C12orf42: variants seen among roughly 807,000 people sequenced by gnomAD.
C12orf42 encodes the protein uncharacterized protein C12orf42.
In C12orf42, 25 loss-of-function variants were observed where a neutral mutation model predicts 21.6. The observed-to-expected ratio is 1.16, with a 90% CI of 0.84 to 1.62. The LOEUF is 1.62. Ranked by LOEUF, C12orf42 falls within the 40% of genes most tolerant of loss-of-function variation. The pLI is 0.00. For synonymous variants in C12orf42, 174 were observed against 175.0 expected (o/e 0.99, Z 0.05); for missense variants, 483 against 459.3 (o/e 1.05, Z -0.47).
intron 2 of C12orf42, among the ~76,000 whole-genome samples, chr12:103,471,582 G>C (rs1222051349): frequency 6.6e-6 from 1 of 152,198 alleles, no homozygotes; most frequent in Non-Finnish European, 1.5e-5. Context: ...ACTGTGGTTT[G>C]GAGTTGTAAG....
the C12orf42 span, among the ~76,000 whole-genome samples, chr12:103,074,467 T>A: frequency 6.6e-6 from 1 of 152,074 alleles, no homozygotes; most frequent in Non-Finnish European, 1.5e-5. Flanking sequence ...CTCCAAATAT[T>A]ATCAAACAGA....
At chr12:103,357,778 T>G (rs919276253) in intron 4 of C12orf42, among the ~76,000 whole-genome samples, 1 of 152,126 alleles carries the variant, frequency 6.6e-6, no homozygotes, top group Non-Finnish European at 1.5e-5. Flanking sequence ...TAAGGCCAAG[T>G]AACAACGTTA....
chr12:103,056,376 A>AT, the C12orf42 span, among the ~76,000 whole-genome samples: 129 of 151,932 alleles, frequency 8.5e-4, 1 homozygote, highest in Non-Finnish European at 1.5e-3. Flanking sequence ...TGTATTCAAG[A>AT]TTTTTTCTTT....
At chr12:103,207,457 C>A in the C12orf42 span, among the ~76,000 whole-genome samples, 39 of 152,314 alleles carry the variant, frequency 2.6e-4, no homozygotes, top group African/African-American at 7.9e-4. Flanking sequence ...CACGTGCGCG[C>A]GCACAGATGT....
the C12orf42 span, among the ~76,000 whole-genome samples, chr12:103,081,936 T>C: frequency 2.0e-5 from 3 of 152,242 alleles, no homozygotes; most frequent in African/African-American, 4.8e-5. Context: ...TTCTCACTCT[T>C]ATTACTAAAC....
the C12orf42 span, among the ~76,000 whole-genome samples, chr12:103,095,238 C>A: frequency 6.6e-6 from 1 of 152,148 alleles, no homozygotes; most frequent in Non-Finnish European, 1.5e-5. Flanking sequence ...TCATTGGAAA[C>A]CTCTAGTAGC....
chr12:103,334,767 C>T (rs746902847), intron 4 of C12orf42, among the ~76,000 whole-genome samples: 13 of 152,194 alleles, frequency 8.5e-5, no homozygotes, highest in Non-Finnish European at 1.5e-4. Flanking sequence ...TTTGCTTCCA[C>T]GGCTTCAGCA....
chr12:103,529,650 G>A, the C12orf42 span, among the ~76,000 whole-genome samples: 4 of 152,198 alleles, frequency 2.6e-5, no homozygotes, highest in African/African-American at 7.2e-5. Flanking sequence ...TCTCTCTGGA[G>A]TGTGTTACAG....
At chr12:103,186,238 T>A in the C12orf42 span, among the ~76,000 whole-genome samples, 5 of 152,202 alleles carry the variant, frequency 3.3e-5, no homozygotes, top group Admixed American at 2.0e-4. Context: ...GGACTATCTA[T>A]CAACTTGGGA....
intron 2 of C12orf42, among the ~76,000 whole-genome samples, chr12:103,474,061 C>G (rs969915290): frequency 3.9e-5 from 6 of 152,080 alleles, no homozygotes; most frequent in Admixed American, 2.6e-4. Context: ...CACCATCCAC[C>G]ACCCCATCCC....
the C12orf42 span, among the ~76,000 whole-genome samples, chr12:103,200,853 A>T: frequency 6.6e-6 from 1 of 152,222 alleles, no homozygotes; most frequent in Non-Finnish European, 1.5e-5. Context: ...ACACATCTTT[A>T]TTCATCAAAA....
chr12:103,499,894 A>G (rs769530506), upstream of C12orf42, among the ~76,000 whole-genome samples: 3 of 152,240 alleles, frequency 2.0e-5, no homozygotes, highest in Non-Finnish European at 4.4e-5. Flanking sequence ...TGCTATTGAA[A>G]TTGTTCAAGC....
At chr12:103,097,337 A>G in the C12orf42 span, among the ~76,000 whole-genome samples, 2 of 152,228 alleles carry the variant, frequency 1.3e-5, no homozygotes, top group Non-Finnish European at 2.9e-5. Flanking sequence ...CTCTCCATTA[A>G]GAGAAACATC....
chr12:103,065,965 T>C, the C12orf42 span, among the ~76,000 whole-genome samples: 1 of 152,182 alleles, frequency 6.6e-6, no homozygotes, highest in Non-Finnish European at 1.5e-5. Context: ...GCTCTGCCAC[T>C]TGGGACATAT....
In C12orf42 at chr12:103,247,406, TTA is replaced by T. The variant is rs575699490; in HGVS notation, c.*1367-9506_*1367-9505del. Among the ~76,000 whole-genome samples, 389 of 152,162 alleles carry T rather than the reference TTA, an allele frequency of 2.6e-3. 7 individuals carry two copies. The highest frequency in any genetic ancestry group is 8.9e-3 in the African/African-American group (369 of 41,554). ...AAATTTGTCTAACATTCTGTGCATT[TTA>T]TGTCAAAAAATTTTATATGTAATGA... On this transcript the variant is annotated intron_variant and NMD_transcript_variant, in intron 10 of 10. Transcript: ENST00000547347.
the C12orf42 span, among the ~76,000 whole-genome samples, chr12:103,167,822 T>C: frequency 6.7e-6 from 1 of 149,570 alleles, no homozygotes; most frequent in Middle Eastern, 3.2e-3. Context: ...TAAATGGAGG[T>C]AAAAAGTAAG....
the C12orf42 span, among the ~76,000 whole-genome samples, chr12:103,047,811 G>T: frequency 2.6e-5 from 4 of 152,156 alleles, no homozygotes; most frequent in African/African-American, 9.7e-5. Flanking sequence ...CATTCCCATG[G>T]TCTGTAATCC....
intron 4 of C12orf42, among the ~76,000 whole-genome samples, chr12:103,285,785 C>T (rs1247929695): frequency 6.6e-6 from 1 of 152,098 alleles, no homozygotes; most frequent in Non-Finnish European, 1.5e-5. Flanking sequence ...GTTTTAGTCC[C>T]CCAAAATAAT....
At chr12:103,361,978 C>G (rs1593613415) in intron 4 of C12orf42, among the ~76,000 whole-genome samples, 1 of 152,254 alleles carries the variant, frequency 6.6e-6, no homozygotes, top group Non-Finnish European at 1.5e-5. Context: ...CCCCCACCTA[C>G]TGCCTGATCC....
Sources: allele counts gnomAD v4.1 joint callset (sites outside exome capture counted in the v4.1 genomes callset), GRCh38; gene constraint gnomAD v4.1.1; transcripts MANE v1.5; gene names NCBI Gene and HGNC (gene_info 2026-07-23, HGNC 2026-07-21).